The following NEBL variants were observed in gnomAD, a reference collection of about 807,000 sequenced individuals.
NEBL encodes the protein LIM and SH3 protein 2.
NEBL carries 122 observed loss-of-function variants against 140.2 expected under a neutral mutation model. The ratio of observed to expected loss-of-function variants is 0.87; its 90% confidence interval spans 0.75 to 1.01. The LOEUF is 1.01. Among genes scored for constraint, NEBL ranks in the 50% least tolerant of loss-of-function variants. NEBL has a pLI of 0.00. For synonymous variants in NEBL, 436 were observed against 398.9 expected (o/e 1.09, Z -1.11); for missense variants, 1,365 against 1,231.3 (o/e 1.11, Z -1.62).
intron 2 of NEBL, among the ~76,000 whole-genome samples, chr10:21,167,840 G>T (rs950103785): frequency 2.0e-5 from 3 of 152,040 alleles, no homozygotes; most frequent in Non-Finnish European, 4.4e-5. Flanking sequence ...ATTTTGCCTA[G>T]TCCTCATTTC....
At chr10:21,162,581 G>A (rs1840600080) in intron 2 of NEBL, among the ~76,000 whole-genome samples, 1 of 152,106 alleles carries the variant, frequency 6.6e-6, no homozygotes, top group Non-Finnish European at 1.5e-5. Context: ...TCCCTTCAAG[G>A]AGCAAAGCTC....
intron 2 of NEBL, among the ~76,000 whole-genome samples, chr10:21,062,313 A>T (rs1025451487): frequency 2.6e-5 from 4 of 152,012 alleles, no homozygotes; most frequent in Admixed American, 6.6e-5. Flanking sequence ...ATGAGGTAGA[A>T]AGAGATGATA....
intron 2 of NEBL, among the ~76,000 whole-genome samples, chr10:20,894,017 T>C (rs1202289736): frequency 6.6e-6 from 1 of 152,172 alleles, no homozygotes; most frequent in Non-Finnish European, 1.5e-5. Flanking sequence ...ATCATCCTGC[T>C]CTACACGTGA....
intron 2 of NEBL, among the ~76,000 whole-genome samples, chr10:21,134,242 A>C (rs1175482089): frequency 2.0e-5 from 3 of 151,888 alleles, no homozygotes; most frequent in African/African-American, 7.3e-5. Context: ...AAAAAAAAAA[A>C]TCTAAGTAGG....
chr10:21,212,413 C>T (rs559160967), intron 3 of NEBL, among the ~76,000 whole-genome samples: 40 of 152,278 alleles, frequency 2.6e-4, no homozygotes, highest in African/African-American at 9.1e-4. Flanking sequence ...ACACCCAGCG[C>T]TAACGTCTGG....
rs1049363839 is a variant in NEBL at position 21,056,904 on chromosome 10, C to A, written c.165-36703G>T. ...AGGGCTCCATGCAGTACAGCTAATC[C>A]CTTTCTTAAGCTCGGAGTCAAAGAC... On this transcript the variant is annotated intron_variant, in intron 2 of 6. Coordinates refer to the NEBL transcript ENST00000417816. 9.9e-5 allele frequency among the ~76,000 whole-genome samples: 15 copies of A among 151,988 alleles called. 1 individual carries two copies. Among genetic ancestry groups the A allele is most frequent in the Admixed American group, 9.2e-4 (14 of 15,250 alleles).
chr10:20,794,956 A>C (rs1836365705), intron 26 of NEBL, among the ~76,000 whole-genome samples: 9 of 152,192 alleles, frequency 5.9e-5, no homozygotes, highest in Admixed American at 5.9e-4. Context: ...AGGTTAGCAG[A>C]TTAAGTAATT....
At chr10:21,054,818 C>A (rs1044663200) in intron 2 of NEBL, among the ~76,000 whole-genome samples, 3 of 152,098 alleles carry the variant, frequency 2.0e-5, no homozygotes, top group African/African-American at 2.4e-5. Flanking sequence ...GCATACAGTA[C>A]AATCATAGTA....
At chr10:21,019,212 T>C (rs1721511709) in intron 3 of NEBL, among the ~76,000 whole-genome samples, 1 of 152,270 alleles carries the variant, frequency 6.6e-6, no homozygotes, top group African/African-American at 2.4e-5. Flanking sequence ...TTTGAAATGC[T>C]TTCACACCTA....
chr10:20,989,229 T>A (rs1837367836), intron 3 of NEBL, among the ~76,000 whole-genome samples: 1 of 152,236 alleles, frequency 6.6e-6, no homozygotes. Context: ...AATCTTAAAA[T>A]CACCATTTCC....
At chr10:21,165,333 G>A (rs1261229715) in intron 2 of NEBL, among the ~76,000 whole-genome samples, 1 of 152,132 alleles carries the variant, frequency 6.6e-6, no homozygotes, top group Non-Finnish European at 1.5e-5. Context: ...ATCAGAAAAC[G>A]TGAGACTATC....
At chr10:20,859,595 C>A in intron 8 of NEBL, 118 bp downstream of exon 8, 1 of 635,968 alleles carries the variant, frequency 1.6e-6, no homozygotes, top group Non-Finnish European at 2.8e-6. Flanking sequence ...GAAAAATATG[C>A]TTCAGTTCAA....
At chr10:20,943,265 A>AT (rs1358181223) in intron 4 of NEBL, among the ~76,000 whole-genome samples, 1 of 152,238 alleles carries the variant, frequency 6.6e-6, no homozygotes, top group Non-Finnish European at 1.5e-5. Context: ...AGCCATAAAA[A>AT]TTGATGAGTT....
chr10:20,881,920 A>G (rs999440500), intron 4 of NEBL, among the ~76,000 whole-genome samples: 4 of 152,224 alleles, frequency 2.6e-5, no homozygotes, highest in African/African-American at 9.6e-5. Context: ...GCAACTTAAG[A>G]AAGACAAAGT....
chr10:20,938,601 C>T (rs1270585989), intron 4 of NEBL, among the ~76,000 whole-genome samples: 10 of 152,150 alleles, frequency 6.6e-5, no homozygotes, highest in Admixed American at 2.0e-4. Context: ...ATGACTTTGA[C>T]GAGTTGAGAG....
rs77321185 is a variant in NEBL, at chr10:21,146,905, G to A, written c.164+25478C>T. On this transcript the variant is annotated intron_variant, in intron 2 of 6. Transcript: ENST00000417816. ...CAGCTGTCGAAGCTCTGGGAGATAG[G>A]CCTTAGGGTTTTAGTCAATGCAGAA... Among the ~76,000 whole-genome samples the A allele has an allele frequency of 6.8e-4, 103 of 152,226 alleles. 2 individuals are homozygous for A. The highest frequency in any genetic ancestry group is 2.4e-3 in the African/African-American group (100 of 41,542).
intron 2 of NEBL, chr10:21,146,241 C>T (rs1401928189): frequency 3.2e-6 from 3 of 932,512 alleles, no homozygotes; most frequent in Admixed American, 4.6e-5. Context: ...CCGTTCACCC[C>T]TCTTACAGCT....
intron 3 of NEBL, among the ~76,000 whole-genome samples, chr10:20,978,837 G>A (rs932066909): frequency 2.0e-5 from 3 of 151,824 alleles, no homozygotes; most frequent in African/African-American, 4.8e-5. Flanking sequence ...GGAGCCACTC[G>A]AGAGCAAGAG....
intron 12 of NEBL, among the ~76,000 whole-genome samples, chr10:20,841,201 A>G (rs897946333): frequency 1.3e-5 from 2 of 152,148 alleles, no homozygotes; most frequent in African/African-American, 4.8e-5. Flanking sequence ...TCTATAAAAC[A>G]TGCATTACCA....
Sources: gnomAD v4.1 joint callset for allele counts (sites outside exome capture counted in the v4.1 genomes callset) on GRCh38, gnomAD v4.1.1 for gene constraint, MANE v1.5 for transcripts, NCBI Gene and HGNC (gene_info 2026-07-23, HGNC 2026-07-21) for gene names.